The following MBNL2 variants were observed in gnomAD, a reference collection of about 807,000 sequenced individuals.
MBNL2 encodes muscleblind-like protein 2.
MBNL2 carries 17 observed loss-of-function variants against 41.9 expected under a neutral mutation model. The observed-to-expected ratio is 0.41, with a 90% confidence interval of 0.28 to 0.61. MBNL2 has a LOEUF of 0.61. Ranked by LOEUF, MBNL2 falls within the 20% of genes least tolerant of loss-of-function variation. The probability of loss-of-function intolerance (pLI) is 0.35; values close to 1 mark genes in which losing one functional copy is unlikely to be tolerated. For synonymous variants in MBNL2, 195 were observed against 182.9 expected, an observed-to-expected ratio of 1.07 and a Z score of -0.53; for missense variants, 336 against 505.6, an observed-to-expected ratio of 0.66 and a Z score of 3.22.
chr13:97,339,690 C>T (rs1030167028), intron 3 of MBNL2, among the ~76,000 whole-genome samples: 28 of 152,040 alleles, frequency 1.8e-4, no homozygotes, highest in Admixed American at 7.9e-4. Flanking sequence ...CGAGATTCTA[C>T]CTCGGGAGTT....
intron 2 of MBNL2, among the ~76,000 whole-genome samples, chr13:97,317,387 A>G (rs1158733185): frequency 6.6e-6 from 1 of 152,242 alleles, no homozygotes; most frequent in African/African-American, 2.4e-5. Flanking sequence ...AAAGTATGAC[A>G]TGCTCAGGAC....
In MBNL2 at chr13:97,227,612, C is replaced by T. The variant is rs75017633; in HGVS notation, c.-605+5081C>T. Among the ~76,000 whole-genome samples the T allele has an allele frequency of 7.5e-3, 1,138 of 152,250 alleles. 13 individuals carry two copies. Among genetic ancestry groups the T allele is most frequent in the African/African-American group, 0.026 (1,064 of 41,538 alleles). ...GGCAAGGATGTGCTGGGTAAAGCTG[C>T]TGGAGGAGATGCATTATAAACTGGA... On this transcript the variant is annotated intron_variant, in intron 1 of 8. Coordinates refer to ENST00000679496, the MANE Select transcript of MBNL2 (RefSeq NM_001382683.1).
chr13:97,235,018 C>T (rs1319356880), intron 1 of MBNL2, among the ~76,000 whole-genome samples: 5 of 152,182 alleles, frequency 3.3e-5, no homozygotes, highest in Non-Finnish European at 7.3e-5. Flanking sequence ...AGGATTTTCT[C>T]CCTCAGTTCC....
At chr13:97,154,166 A>G in the MBNL2 span, among the ~76,000 whole-genome samples, 2 of 152,184 alleles carry the variant, frequency 1.3e-5, no homozygotes, top group African/African-American at 4.8e-5. Context: ...CTTCCTCTGG[A>G]AGCCCAAAGT....
the MBNL2 span, among the ~76,000 whole-genome samples, chr13:97,200,326 C>T: frequency 1.3e-5 from 2 of 152,162 alleles, no homozygotes; most frequent in East Asian, 3.9e-4. Flanking sequence ...CACCACAGTG[C>T]CTGGGACCTG....
chr13:97,162,954 C>A, the MBNL2 span, among the ~76,000 whole-genome samples: 1 of 152,018 alleles, frequency 6.6e-6, no homozygotes, highest in Non-Finnish European at 1.5e-5. Context: ...TTCCTAGGAA[C>A]CAGATTCTGA....
rs1488673043 is a variant in MBNL2, at chr13:97,305,583, G to A, written c.175-28693G>A. On this transcript the variant is annotated intron_variant, in intron 2 of 8. Transcript: ENST00000679496. ...GTTTGAGACCAGCCTGGGCAACATG[G>A]TGAAACTCCACCTGTACAAAAAATA... 2.0e-5 allele frequency among the ~76,000 whole-genome samples: 3 copies of A among 149,238 alleles called. No individual in the cohort carries two copies. In the Admixed American group the frequency reaches 2.0e-4, roughly 10 times the overall value.
chr13:97,155,006 A>G, the MBNL2 span, among the ~76,000 whole-genome samples: 10 of 152,186 alleles, frequency 6.6e-5, 1 homozygote, highest in African/African-American at 2.2e-4. Flanking sequence ...ACTCCTATGC[A>G]GTCAGAATTA....
At chr13:97,152,423 G>A in the MBNL2 span, among the ~76,000 whole-genome samples, 1 of 152,004 alleles carries the variant, frequency 6.6e-6, no homozygotes, top group Admixed American at 6.6e-5. Flanking sequence ...AAGTACATGA[G>A]TTTTCACATT....
chr13:97,360,763 A>G (rs1440181100), intron 7 of MBNL2, among the ~76,000 whole-genome samples: 4 of 152,240 alleles, frequency 2.6e-5, no homozygotes, highest in Non-Finnish European at 4.4e-5. Flanking sequence ...ACATTTGAGA[A>G]GTCTTTGTTC....
chr13:97,218,995 C>A (rs2040643011), upstream of MBNL2, among the ~76,000 whole-genome samples: 1 of 151,868 alleles, frequency 6.6e-6, no homozygotes, highest in South Asian at 2.1e-4. Flanking sequence ...TAATGTATAA[C>A]CATCCCCTGT....
At chr13:97,333,312 G>T (rs7358848) in intron 2 of MBNL2, among the ~76,000 whole-genome samples, 43,000 of 152,072 alleles carry the variant, frequency 0.28, 6,242 homozygotes, top group African/African-American at 0.31. Flanking sequence ...ACTTGGGGAT[G>T]AAGTATAAAC....
chr13:97,375,690 C>T (rs1371915331), intron 8 of MBNL2, among the ~76,000 whole-genome samples: 1 of 152,226 alleles, frequency 6.6e-6, no homozygotes, highest in Non-Finnish European at 1.5e-5. Context: ...GCAGAGCCTG[C>T]CTTTGGCCTC....
At chr13:97,192,074 C>A in the MBNL2 span, among the ~76,000 whole-genome samples, 5 of 152,150 alleles carry the variant, frequency 3.3e-5, no homozygotes, top group South Asian at 1.0e-3. Flanking sequence ...GACCCCAGGC[C>A]TGTTACTGTG....
At chr13:97,179,138 G>A in the MBNL2 span, among the ~76,000 whole-genome samples, 5 of 151,938 alleles carry the variant, frequency 3.3e-5, no homozygotes, top group Admixed American at 2.0e-4. Flanking sequence ...AACAAGCAAC[G>A]CCTCCCTTAA....
the MBNL2 span, among the ~76,000 whole-genome samples, chr13:97,195,659 A>C: frequency 6.6e-6 from 1 of 152,200 alleles, no homozygotes; most frequent in Non-Finnish European, 1.5e-5. Flanking sequence ...TGGTACTAAA[A>C]TTATACATAA....
At chr13:97,319,907 A>C (rs2059362600) in intron 2 of MBNL2, among the ~76,000 whole-genome samples, 1 of 152,212 alleles carries the variant, frequency 6.6e-6, no homozygotes, top group Non-Finnish European at 1.5e-5. Context: ...TCACTGGTAG[A>C]AAATCATCGT....
Position 97,366,372 on chromosome 13 carries a change from C to T in MBNL2, c.1048+1201C>T, listed in dbSNP as rs2063839586. ...GTTTAACCCATGATGGCTTGCTGCTCTGATATTCACCATGCCAAAATACCA... is the reference window on the plus strand; with the variant it reads ...GTTTAACCCATGATGGCTTGCTGCTTTGATATTCACCATGCCAAAATACCA... On this transcript the variant is annotated intron_variant, in intron 8 of 8. Coordinates refer to ENST00000679496, the MANE Select transcript of MBNL2 (RefSeq NM_001382683.1). The surrounding 1 kb of genome is among the most constrained non-coding windows in gnomAD (Gnocchi z 4.7). The T allele has an allele frequency of 1.4e-6, 1 of 691,570 alleles. No individual in the cohort carries two copies. The highest frequency in any genetic ancestry group is 2.3e-5 in the Admixed American group (1 of 43,028). 42.8% of individuals were successfully genotyped at this position (691,570 alleles called of 1,614,324 possible).
At chr13:97,296,935 G>C (rs147179707) in intron 2 of MBNL2, among the ~76,000 whole-genome samples, 2 of 152,254 alleles carry the variant, frequency 1.3e-5, no homozygotes, top group African/African-American at 4.8e-5. Flanking sequence ...GTGGATTTTA[G>C]AGGACAAAAG....
Sources: allele counts gnomAD v4.1 joint callset (sites outside exome capture counted in the v4.1 genomes callset), GRCh38; gene constraint gnomAD v4.1.1; non-coding constraint Gnocchi (gnomAD v3.1); transcripts MANE v1.5; gene names NCBI Gene and HGNC (gene_info 2026-07-23, HGNC 2026-07-21).